SAMSN1: variants seen among roughly 807,000 people sequenced by gnomAD.
The protein encoded by SAMSN1 is SAM domain, SH3 domain and nuclear localization signals 1, also known as SAM domain-containing protein SAMSN-1.
A neutral mutation model predicts 42.0 loss-of-function variants in SAMSN1; 31 were observed. The ratio of observed to expected loss-of-function variants is 0.74; its 90% CI spans 0.55 to 1.00. SAMSN1 has a LOEUF of 1.00. Among genes scored for constraint, SAMSN1 ranks in the 50% least tolerant of loss-of-function variants. The pLI is 0.00. For synonymous variants in SAMSN1, 178 were observed against 151.9 expected, an observed-to-expected ratio of 1.17 and a Z score of -1.26; for missense variants, 464 against 439.4, an observed-to-expected ratio of 1.06 and a Z score of -0.50.
chr21:14,644,519 T>A (rs902644141), intron 1 of SAMSN1, among the ~76,000 whole-genome samples: 12 of 152,244 alleles, frequency 7.9e-5, no homozygotes, highest in African/African-American at 2.9e-4. Flanking sequence ...CCAGCAGTGA[T>A]ACCCAGGTAC....
At chr21:14,655,272 G>A (rs1811824776) in intron 1 of SAMSN1, among the ~76,000 whole-genome samples, 1 of 151,302 alleles carries the variant, frequency 6.6e-6, no homozygotes, top group South Asian at 2.1e-4. Context: ...CAGCATAGAA[G>A]GATAAATAGA....
At chr21:14,493,510 CTTA>C (rs1207199577) in intron 7 of SAMSN1, among the ~76,000 whole-genome samples, 3 of 150,156 alleles carry the variant, frequency 2.0e-5, no homozygotes, top group Non-Finnish European at 3.0e-5. Context: ...AGTAAACCAG[CTTA>C]TTATTCTAAA....
chr21:14,562,716 T>C (rs1326303329), intron 2 of SAMSN1, among the ~76,000 whole-genome samples: 1 of 152,074 alleles, frequency 6.6e-6, no homozygotes, highest in African/African-American at 2.4e-5. Flanking sequence ...TTTATCCTAA[T>C]TGGAAAAATG....
intron 2 of SAMSN1, among the ~76,000 whole-genome samples, chr21:14,560,255 A>G (rs1219835879): frequency 6.6e-6 from 1 of 152,182 alleles, no homozygotes; most frequent in Non-Finnish European, 1.5e-5. Context: ...TGGGGGGCAT[A>G]TTCTAGCAAT....
upstream of SAMSN1, among the ~76,000 whole-genome samples, chr21:14,550,430 T>A (rs1003411777): frequency 7.9e-5 from 12 of 152,030 alleles, no homozygotes; most frequent in Non-Finnish European, 1.2e-4. Context: ...TTGGGGAGAT[T>A]AGGGGAAGAT....
chr21:14,530,543 A>G (rs1227562118), intron 1 of SAMSN1, among the ~76,000 whole-genome samples: 3 of 152,054 alleles, frequency 2.0e-5, no homozygotes, highest in Non-Finnish European at 4.4e-5. Context: ...CTATAAAAAT[A>G]TTTTTTATTT....
intron 2 of SAMSN1, among the ~76,000 whole-genome samples, chr21:14,561,912 G>C (rs1398755232): frequency 6.6e-6 from 1 of 152,118 alleles, no homozygotes; most frequent in Non-Finnish European, 1.5e-5. Flanking sequence ...GCTATCAGAA[G>C]CTGGAAGAAA....
chr21:14,543,499 T>C (rs1971767013), intron 1 of SAMSN1, among the ~76,000 whole-genome samples: 1 of 152,198 alleles, frequency 6.6e-6, no homozygotes, highest in Non-Finnish European at 1.5e-5. Context: ...AATCTATTGC[T>C]ACATATTATA....
At chr21:14,622,408 A>G (rs990759114) in intron 2 of SAMSN1, among the ~76,000 whole-genome samples, 1 of 152,246 alleles carries the variant, frequency 6.6e-6, no homozygotes, top group Non-Finnish European at 1.5e-5. Flanking sequence ...TAGAATAACC[A>G]GTGTAGAGAA....
intron 5 of SAMSN1, among the ~76,000 whole-genome samples, chr21:14,509,138 A>G (rs1987561510): frequency 6.6e-6 from 1 of 150,978 alleles, no homozygotes; most frequent in Non-Finnish European, 1.5e-5. Context: ...AAAAGAAAAG[A>G]AAAAAGAAAA....
Position 14,517,008 on chromosome 21 carries a change from C to T in SAMSN1, c.163G>A (p.Glu55Lys), listed in dbSNP as rs1181273906. 6.2e-7 allele frequency: 1 copy of T among 1,613,082 alleles called. No individual in the cohort carries two copies. Among genetic ancestry groups the T allele is most frequent in the East Asian group, 2.2e-5 (1 of 44,820 alleles). ...HEGDPTNGSG[E>K]QSKTSNNGGG... ...CCATTATTTGAAGTTTTACTTTGTT[C>T]TCCACTTCCATTTGTGGGATCTCCT... Residue 55 changes from glutamate (E) to lysine (K), a missense_variant, in exon 3 of 8, where the codon GAA becomes AAA. Glu to Lys is a moderately conservative substitution (Grantham distance 56). Coordinates refer to ENST00000400566, the MANE Select transcript of SAMSN1 (RefSeq NM_022136.5).
At chr21:14,542,723 T>TC (rs370569631) in intron 1 of SAMSN1, among the ~76,000 whole-genome samples, 117 of 152,180 alleles carry the variant, frequency 7.7e-4, no homozygotes, top group African/African-American at 2.7e-3. Flanking sequence ...GATGGGAAGA[T>TC]CACTTGAACA....
chr21:14,596,684 G>T (rs1982272166), intron 6 of SAMSN1, among the ~76,000 whole-genome samples: 1 of 152,126 alleles, frequency 6.6e-6, no homozygotes, highest in Admixed American at 6.6e-5. Flanking sequence ...GACCAAAGTG[G>T]CAAGGGACCT....
At chr21:14,566,028 GT>G (rs1568811058) in intron 2 of SAMSN1, among the ~76,000 whole-genome samples, 1 of 152,090 alleles carries the variant, frequency 6.6e-6, no homozygotes, top group Non-Finnish European at 1.5e-5. Context: ...AATTGGTTCT[GT>G]TTTCGTTATT....
intron 1 of SAMSN1, among the ~76,000 whole-genome samples, chr21:14,544,164 C>T (rs868295905): frequency 6.6e-6 from 1 of 152,178 alleles, no homozygotes. Context: ...AATCTTCCTG[C>T]CTCAGCCTCC....
chr21:14,644,919 G>A lies in SAMSN1; in HGVS notation c.25-1786C>T, dbSNP rs75659002. ...GTACCTAGGGTGGTATGGCTACAGA[G>A]TGAGGCTCCTCTGTCTTTAAAAACT... is the stretch of plus-strand genomic sequence containing the variant. On this transcript the variant is annotated intron_variant, in intron 1 of 15. Coordinates refer to the SAMSN1 transcript ENST00000647101. Among the ~76,000 whole-genome samples the A allele has an allele frequency of 3.0e-3, 461 of 152,294 alleles. 2 individuals carry two copies. The highest frequency in any genetic ancestry group is 9.5e-3 in the African/African-American group (397 of 41,576).
intron 7 of SAMSN1, among the ~76,000 whole-genome samples, chr21:14,588,914 T>C (rs1331452645): frequency 6.6e-6 from 1 of 152,184 alleles, no homozygotes; most frequent in Non-Finnish European, 1.5e-5. Context: ...AAGATATAAA[T>C]TTCCATCAAA....
intron 6 of SAMSN1, among the ~76,000 whole-genome samples, chr21:14,599,792 A>G (rs1382703419): frequency 6.6e-6 from 1 of 152,160 alleles, no homozygotes; most frequent in Non-Finnish European, 1.5e-5. Flanking sequence ...TGAACTTTCC[A>G]GCCATCATAA....
exon 2 of SAMSN1, chr21:14,582,438 C>T: frequency 6.5e-7 from 1 of 1,532,624 alleles, no homozygotes; most frequent in Non-Finnish European, 8.8e-7. Context: ...ACTTTCTTTT[C>T]TCGGGACTTG....
Sources: allele counts gnomAD v4.1 joint callset (sites outside exome capture counted in the v4.1 genomes callset), GRCh38; gene constraint gnomAD v4.1.1; transcripts MANE v1.5; gene names NCBI Gene and HGNC (gene_info 2026-07-23, HGNC 2026-07-21).